NBAS: variants seen among roughly 807,000 people sequenced by gnomAD.
NBAS encodes NAG/BC035112 fusion.
In NBAS, 219 loss-of-function variants were observed where a neutral mutation model predicts 302.5. The ratio of observed to expected loss-of-function variants is 0.72; its 90% CI spans 0.65 to 0.81. The LOEUF (loss-of-function observed/expected upper bound fraction) is 0.81. Among genes scored for constraint, NBAS ranks in the 30% least tolerant of loss-of-function variants. The pLI, the probability that NBAS is intolerant of heterozygous loss-of-function variation, is 0.00. For synonymous variants in NBAS, 1,118 were observed against 1,021.6 expected, an observed-to-expected ratio of 1.09 and a Z score of -1.80; for missense variants, 2,932 against 2,841.6, an observed-to-expected ratio of 1.03 and a Z score of -0.72.
chr2:14,863,449 A>C, the NBAS span, among the ~76,000 whole-genome samples: 1 of 152,206 alleles, frequency 6.6e-6, no homozygotes, highest in Non-Finnish European at 1.5e-5. Flanking sequence ...GGAGATCACG[A>C]GATCCATTGT....
At chr2:15,258,637 C>A (rs543642313) in intron 44 of NBAS, among the ~76,000 whole-genome samples, 8 of 152,228 alleles carry the variant, frequency 5.3e-5, no homozygotes, top group African/African-American at 1.9e-4. Context: ...GATTGGGGAA[C>A]CTCGCCCTGG....
the NBAS span, among the ~76,000 whole-genome samples, chr2:14,993,197 C>T: frequency 3.3e-5 from 5 of 152,132 alleles, no homozygotes; most frequent in African/African-American, 1.2e-4. Context: ...GAAGAACCCT[C>T]CATGCTCCCC....
chr2:14,790,363 T>C, the NBAS span, among the ~76,000 whole-genome samples: 1 of 152,206 alleles, frequency 6.6e-6, no homozygotes, highest in African/African-American at 2.4e-5. Context: ...ACATTTGCTT[T>C]TGAGCCAGCC....
chr2:15,268,218 G>A (rs1287761357), intron 44 of NBAS, among the ~76,000 whole-genome samples: 1 of 152,214 alleles, frequency 6.6e-6, no homozygotes, highest in Admixed American at 6.5e-5. Context: ...GAGAGAAGGA[G>A]TGGCATCTGA....
intron 42 of NBAS, 78 bp downstream of exon 42, chr2:15,286,995 C>A (rs1340468112): frequency 1.8e-5 from 22 of 1,209,282 alleles, no homozygotes; most frequent in Non-Finnish European, 2.6e-5. Context: ...TTGTACTTTA[C>A]AACTTCTTCA....
chr2:14,872,582 C>T, the NBAS span, among the ~76,000 whole-genome samples: 3 of 152,148 alleles, frequency 2.0e-5, no homozygotes, highest in Non-Finnish European at 4.4e-5. Context: ...GGTAGGTTCA[C>T]GGTCTCGCTG....
chr2:14,820,935 CT>C, the NBAS span, among the ~76,000 whole-genome samples: 7 of 145,106 alleles, frequency 4.8e-5, no homozygotes, highest in South Asian at 2.2e-4. Context: ...CTTTTCTTTT[CT>C]TTTTTTTTTC....
Position 15,257,581 on chromosome 2 carries a change from C to T in NBAS, c.5724+17903G>A, listed in dbSNP as rs952464572. On this transcript the variant is annotated intron_variant, in intron 44 of 51. Transcript: ENST00000281513. The stretch of plus-strand genomic sequence containing the variant: ...CTAATTTTTGTATTTTTAGTTGAGA[C>T]GGAGTTTCACCATGTTGGCCTGACT... 9.9e-5 allele frequency among the ~76,000 whole-genome samples: 15 copies of T among 151,934 alleles called. 1 individual carries two copies. The highest frequency in any genetic ancestry group is 7.9e-4 in the Admixed American group (12 of 15,246).
chr2:15,394,896 A>T (rs934426264), intron 27 of NBAS, among the ~76,000 whole-genome samples: 3 of 152,122 alleles, frequency 2.0e-5, no homozygotes, highest in African/African-American at 7.2e-5. Flanking sequence ...CATCAACATC[A>T]TATAAATACT....
chr2:15,167,284 G>C lies in NBAS; in HGVS notation c.6880C>G (p.Leu2294Val), dbSNP rs1326991206. The C allele has an allele frequency of 8.7e-6, 14 of 1,614,232 alleles. No homozygotes were observed. The highest frequency in any genetic ancestry group is 3.3e-5 in the South Asian group (3 of 91,088). Reference protein sequence around the residue: ...SNCDQELLSLLLDAKLLVKCV... With the variant: ...SNCDQELLSLVLDAKLLVKCV... The stretch of plus-strand genomic sequence containing the variant: ...TTCACCAGCAGCTTGGCATCCAGGA[G>C]CAGGGAAAGAAGTTCTTGGTCACAA... Residue 2294 changes from leucine (L) to valine (V), a missense_variant, in exon 52 of 52, where the codon CTC (leucine) becomes GTC (valine). Transcript: ENST00000281513.
At chr2:15,400,152 G>A (rs1227210076) in intron 26 of NBAS, among the ~76,000 whole-genome samples, 1 of 151,800 alleles carries the variant, frequency 6.6e-6, no homozygotes, top group African/African-American at 2.4e-5. Context: ...GATAATAGAT[G>A]GACAACAGAC....
the NBAS span, among the ~76,000 whole-genome samples, chr2:15,100,179 C>A: frequency 6.6e-6 from 1 of 152,096 alleles, no homozygotes; most frequent in African/African-American, 2.4e-5. Flanking sequence ...GATGTAATGA[C>A]CCCGAATGAT....
the NBAS span, among the ~76,000 whole-genome samples, chr2:14,959,156 C>G: frequency 4.6e-5 from 7 of 152,166 alleles, no homozygotes; most frequent in African/African-American, 1.7e-4. Flanking sequence ...CTTGCACAAG[C>G]CACTTCAGCT....
the NBAS span, among the ~76,000 whole-genome samples, chr2:14,788,760 A>T: frequency 1.3e-5 from 2 of 152,148 alleles, no homozygotes; most frequent in Admixed American, 1.3e-4. Flanking sequence ...CCTCCCAGTT[A>T]GGCTGCTCGG....
intron 32 of NBAS, among the ~76,000 whole-genome samples, chr2:15,357,718 A>G (rs1036544321): frequency 1.3e-5 from 2 of 152,192 alleles, no homozygotes; most frequent in Non-Finnish European, 2.9e-5. Flanking sequence ...GATGAAAAAT[A>G]CAATTTACAA....
intron 48 of NBAS, among the ~76,000 whole-genome samples, chr2:15,208,193 G>A (rs542922001): frequency 3.3e-5 from 5 of 152,128 alleles, no homozygotes; most frequent in Non-Finnish European, 2.9e-5. Context: ...CAATCATAGT[G>A]GAAGGCAAAA....
the NBAS span, among the ~76,000 whole-genome samples, chr2:14,939,043 C>T: frequency 2.3e-3 from 356 of 152,318 alleles, 3 homozygotes; most frequent in African/African-American, 7.7e-3. Context: ...ATTAAGTAGG[C>T]ACAACTTCAC....
intron 28 of NBAS, among the ~76,000 whole-genome samples, chr2:15,390,694 A>G (rs2148401928): frequency 6.6e-6 from 1 of 152,344 alleles, no homozygotes; most frequent in East Asian, 1.9e-4. Flanking sequence ...TATGTATCCC[A>G]TCACTTGGTG....
intron 48 of NBAS, among the ~76,000 whole-genome samples, chr2:15,210,260 G>T (rs1666346180): frequency 6.6e-6 from 1 of 151,834 alleles, no homozygotes; most frequent in Non-Finnish European, 1.5e-5. Flanking sequence ...TATATAAGGA[G>T]TTCAAACAAC....
Sources: gnomAD v4.1 joint callset for allele counts (sites outside exome capture counted in the v4.1 genomes callset) on GRCh38, gnomAD v4.1.1 for gene constraint, MANE v1.5 for transcripts, NCBI Gene and HGNC (gene_info 2026-07-23, HGNC 2026-07-21) for gene names.